ASPG: variants seen among roughly 807,000 people sequenced by gnomAD.
ASPG encodes asparaginase, also known as 60 kDa lysophospholipase.
A neutral mutation model predicts 63.2 loss-of-function variants in ASPG; 53 were observed. The observed-to-expected ratio is 0.84, with a 90% CI of 0.67 to 1.05. The LOEUF is 1.05. Among genes scored for constraint, ASPG ranks in the 50% least tolerant of loss-of-function variants. The probability of loss-of-function intolerance (pLI) is 0.00; values close to 1 mark genes in which losing one functional copy is unlikely to be tolerated. For synonymous variants in ASPG, 370 were observed against 355.0 expected (o/e 1.04, Z -0.48); for missense variants, 741 against 794.4 (o/e 0.93, Z 0.81).
chr14:104,088,753 G>A (rs1167417221), intron 1 of ASPG, among the ~76,000 whole-genome samples: 2 of 152,286 alleles, frequency 1.3e-5, no homozygotes, highest in East Asian at 3.9e-4. Flanking sequence ...AAGTTTCTAA[G>A]CCTAAGCTTG....
At position 104,113,624 on chromosome 14, in the gene ASPG, CT is replaced by C. The variant is rs935685248; in HGVS notation, c.*1081del. ...CCTTTTGTCCCTCTGTTTGGCTGGC[CT>C]CTGGACTGGAGCCCCAGGAGGGCAA... On this transcript the variant is annotated 3_prime_UTR_variant, in exon 16 of 16. Coordinates refer to ENST00000551177, the MANE Select transcript of ASPG (RefSeq NM_001080464.3). The C allele has an allele frequency of 2.0e-5, 3 of 152,356 alleles. No homozygotes were observed. Among genetic ancestry groups the C allele is most frequent in the African/African-American group, 7.2e-5 (3 of 41,454 alleles). The allele number at this position is 152,356 out of a possible 1,614,324, so 9.4% of individuals were successfully genotyped here.
At chr14:104,111,120 T>C in intron 13 of ASPG, 5 of 985,298 alleles carry the variant, frequency 5.1e-6, no homozygotes, top group Non-Finnish European at 6.0e-6. Flanking sequence ...CAGGTGGGCG[T>C]GCATATGTGT....
chr14:104,114,407 G>A lies in ASPG; in HGVS notation c.*1863G>A, dbSNP rs1246627745. The A allele has an allele frequency of 6.6e-6, 1 of 152,358 alleles. No homozygotes were observed. Among genetic ancestry groups the A allele is most frequent in the African/African-American group, 2.4e-5 (1 of 41,460 alleles). 9.4% of individuals were successfully genotyped at this position (152,358 alleles called of 1,614,324 possible). A position where few individuals can be genotyped will look rare whatever the true frequency, so the allele number is the denominator to read the frequency against. ...AGCTCCTCACAAGGCTGGGCAGCCA[G>A]ACCCCCATTGTCAGTCCCCTCCAAA... On this transcript the variant is annotated 3_prime_UTR_variant, in exon 16 of 16. Coordinates refer to ENST00000551177, the MANE Select transcript of ASPG (RefSeq NM_001080464.3).
chr14:104,095,317 G>C (rs533831774), intron 3 of ASPG, among the ~76,000 whole-genome samples: 1 of 152,178 alleles, frequency 6.6e-6, no homozygotes, highest in Non-Finnish European at 1.5e-5. Flanking sequence ...GGGTGCACCC[G>C]AGTGGCATGG....
chr14:104,111,438 C>A (rs201489009), intron 13 of ASPG, 64 bp from the exon 14 acceptor site: 10 of 1,382,708 alleles, frequency 7.2e-6, no homozygotes, highest in South Asian at 6.3e-5. Context: ...GGGGGACAGG[C>A]ACGTGGGCAG....
chr14:104,097,529 A>T (rs1161027674), intron 4 of ASPG, 25 bp from the exon 5 acceptor site: 2 of 1,547,662 alleles, frequency 1.3e-6, no homozygotes, highest in Non-Finnish European at 1.7e-6. Flanking sequence ...CCCAGGCCTC[A>T]GCTACTCCGT....
In ASPG at chr14:104,097,597, TG is replaced by T; in HGVS notation, c.478del (p.Ala160HisfsTer9). ...ALWSDGRENL[L>X]GALLMAGQYV... ...TGGAGCGACGGCCGTGAGAACCTGC[TG>T]GGGGCACTGCTCATGGCTGGCCAGT... On this transcript the variant is annotated frameshift_variant, in exon 5 of 16. Coordinates refer to ENST00000551177, the MANE Select transcript of ASPG (RefSeq NM_001080464.3). LOFTEE classifies it high-confidence loss of function. 1 of 1,564,944 alleles carries T rather than the reference TG, an allele frequency of 6.4e-7. No individual in the cohort carries two copies.
intron 3 of ASPG, 89 bp from the exon 4 acceptor site, chr14:104,095,442 C>G: frequency 1.9e-6 from 3 of 1,572,596 alleles, no homozygotes; most frequent in South Asian, 1.1e-5. Context: ...GTCCTCCTCT[C>G]TGCATCCGGA....
chr14:104,107,703 A>ACGGGCCCTGGAGGG (rs1490692898), intron 12 of ASPG, among the ~76,000 whole-genome samples: 1 of 152,184 alleles, frequency 6.6e-6, no homozygotes, highest in Non-Finnish European at 1.5e-5. Context: ...GCCCTGGAGG[A>ACGGGCCCTGGAGGG]CAGGCCCAGC....
At chr14:104,093,689 C>A in intron 3 of ASPG, 87 bp downstream of exon 3, 1 of 790,830 alleles carries the variant, frequency 1.3e-6, no homozygotes, top group Non-Finnish European at 1.7e-6. Flanking sequence ...GTGGGTGGGG[C>A]TGTGGAGAGT....
At chr14:104,092,963 C>G (rs895322043) in intron 2 of ASPG, 3 of 571,128 alleles carry the variant, frequency 5.3e-6, no homozygotes, top group Admixed American at 3.0e-5. Context: ...CCTCCCCACC[C>G]TCCTCCCACA....
intron 12 of ASPG, chr14:104,108,324 G>A (rs2037233291): frequency 8.4e-6 from 7 of 837,314 alleles, no homozygotes; most frequent in African/African-American, 3.7e-5. Context: ...TAGACTGGGC[G>A]TCCTTGGGTG....
chr14:104,093,292 C>T (rs1303310001), intron 2 of ASPG, 199 bp from the exon 3 acceptor site: 5 of 651,386 alleles, frequency 7.7e-6, no homozygotes, highest in Non-Finnish European at 1.4e-5. Flanking sequence ...GACCTACGTC[C>T]TTGCCTCTGT....
chr14:104,104,352 T>A lies in ASPG; in HGVS notation c.802T>A (p.Phe268Ile). The A allele has an allele frequency of 6.2e-7, 1 of 1,612,516 alleles. No individual in the cohort carries two copies. ...CCTGAAGGGCGTGGTCATGGAGACC[T>A]TCGGTTCAGGGAACGGACCCACCAA... ...PPLKGVVMETFGSGNGPTKPD... is the reference protein window; with the variant it reads ...PPLKGVVMETIGSGNGPTKPD... The change falls in exon 8 of 16, where the codon TTC becomes ATC. Residue 268 changes from phenylalanine (F) to isoleucine (I), a missense_variant. Physicochemically the swap from Phe to Ile is conservative, Grantham distance 21. Transcript: ENST00000551177.
chr14:104,105,407 T>C lies in ASPG; in HGVS notation c.1130T>C (p.Leu377Pro), dbSNP rs2037077605. The change falls in exon 10 of 16, where the codon CTG becomes CCG. Residue 377 changes from leucine (L) to proline (P), a missense_variant. Physicochemically the swap from Leu to Pro is moderately conservative, Grantham distance 98. Coordinates refer to ENST00000551177, the MANE Select transcript of ASPG (RefSeq NM_001080464.3). The stretch of plus-strand genomic sequence containing the variant: ...CGGCCCTCACTGCAGGGCAACACGC[T>C]GGGCGGTGGGGTCTCCTGGCTCCTC... Reference protein sequence around the residue: ...ERRPSLQGNTLGGGVSWLLSL... With the variant: ...ERRPSLQGNTPGGGVSWLLSL... 4 of 1,611,282 alleles carry C rather than the reference T, an allele frequency of 2.5e-6. No homozygotes were observed. The highest frequency in any genetic ancestry group is 1.7e-4 in the Middle Eastern group (1 of 6,052).
chr14:104,098,966 T>C lies in ASPG; in HGVS notation c.627T>C (p.Gly209=), dbSNP rs760155478. The change falls in exon 6 of 16, where the codon GGT becomes GGC. Residue 209 remains glycine, a synonymous_variant. Coordinates refer to ENST00000551177, the MANE Select transcript of ASPG (RefSeq NM_001080464.3). ...SPNLLPLATV[G]ADITINRELV... ...ACCTGCTGCCTCTGGCCACAGTGGG[T>C]GCTGACATCACAAGTAAGCCCCGCA... The C allele has an allele frequency of 1.3e-5, 20 of 1,595,798 alleles. No individual in the cohort carries two copies. The African/African-American group carries it at 1.6e-4, about 13-fold the overall frequency.
At chr14:104,108,726 C>T (rs1183461140) in intron 12 of ASPG, 85 of 985,306 alleles carry the variant, frequency 8.6e-5, no homozygotes, top group Non-Finnish European at 1.0e-4. Flanking sequence ...GTGCCCTGCC[C>T]CCACTCCTAC....
In ASPG at chr14:104,098,883, C is replaced by CGCG; in HGVS notation, c.545_546insCGG (p.Gly183dup). On this transcript the variant is annotated inframe_insertion, in exon 6 of 16. Transcript: ENST00000551177. ...CCTTTTCTTCCAGAATCAGCTGTTT[C>CGCG]GGGGCAACCGGGCAACCAAGGTAGA... 1 of 1,612,896 alleles carries CGCG rather than the reference C, an allele frequency of 6.2e-7. No individual in the cohort carries two copies. The highest frequency in any genetic ancestry group is 2.2e-5 in the East Asian group (1 of 44,874).
chr14:104,099,061 G>T, intron 6 of ASPG, 82 bp downstream of exon 6: 5 of 1,506,074 alleles, frequency 3.3e-6, no homozygotes, highest in Non-Finnish European at 4.5e-6. Context: ...TCGTGGCTGG[G>T]ACTCGGCAGA....
Sources: allele counts gnomAD v4.1 joint callset (sites outside exome capture counted in the v4.1 genomes callset), GRCh38; gene constraint gnomAD v4.1.1; transcripts MANE v1.5; gene names NCBI Gene and HGNC (gene_info 2026-07-23, HGNC 2026-07-21).